The following CALN1 variants were observed in gnomAD, a reference collection of about 807,000 sequenced individuals.
The protein encoded by CALN1 is calneuron 1.
Under a neutral mutation model 30.6 loss-of-function variants are expected in CALN1, and 17 were observed. The observed-to-expected ratio is 0.56, with a 90% CI of 0.38 to 0.83. The LOEUF (loss-of-function observed/expected upper bound fraction) is 0.83. Ranked by LOEUF, CALN1 falls within the 40% of genes least tolerant of loss-of-function variation. The pLI is 0.00. For synonymous variants in CALN1, 156 were observed against 131.4 expected, an observed-to-expected ratio of 1.19 and a Z score of -1.28; for missense variants, 291 against 354.9, an observed-to-expected ratio of 0.82 and a Z score of 1.45.
the CALN1 span, among the ~76,000 whole-genome samples, chr7:72,478,665 G>T: frequency 4.6e-5 from 7 of 152,058 alleles, no homozygotes; most frequent in East Asian, 3.9e-4. Flanking sequence ...GTACCTGATT[G>T]CTTCCCCTGC....
intron 5 of CALN1, among the ~76,000 whole-genome samples, chr7:71,902,270 A>AACC (rs1240817111): frequency 2.6e-4 from 29 of 112,554 alleles, no homozygotes; most frequent in African/African-American, 1.0e-3. Flanking sequence ...CCAACCAATC[A>AACC]AAAAAAAAAA....
intron 3 of CALN1, among the ~76,000 whole-genome samples, chr7:72,195,213 A>G (rs183350352): frequency 1.0e-3 from 159 of 152,280 alleles, no homozygotes; most frequent in African/African-American, 3.4e-3. Flanking sequence ...TCATCTTTTG[A>G]GCCCTTGCTC....
rs750462 is a variant in CALN1 at position 72,418,132 on chromosome 7, A to G, written c.-225-5857T>C. ...GCCCCCCTCCCCCTCTTCCCTCTCT[A>G]GTAGCCCCCAGTGTCTGTTCTTCCC... On this transcript the variant is annotated intron_variant, in intron 1 of 6. Coordinates refer to the CALN1 transcript ENST00000395276. 0.035 allele frequency among the ~76,000 whole-genome samples: 5,117 copies of G among 145,244 alleles called. 568 individuals are homozygous for G. In the East Asian group the frequency reaches 0.41, roughly 12 times the overall value.
At chr7:72,251,631 G>A (rs897755036) in intron 3 of CALN1, among the ~76,000 whole-genome samples, 1 of 152,000 alleles carries the variant, frequency 6.6e-6, no homozygotes, top group Admixed American at 6.6e-5. Flanking sequence ...AAACTTCTGG[G>A]CTCAAGTAAT....
chr7:72,202,047 C>T (rs987840999), intron 3 of CALN1, among the ~76,000 whole-genome samples: 11 of 152,100 alleles, frequency 7.2e-5, no homozygotes, highest in African/African-American at 2.4e-4. Context: ...TTCAAGGACA[C>T]GTGGACTTCA....
intron 5 of CALN1, among the ~76,000 whole-genome samples, chr7:71,968,876 C>T (rs1305979419): frequency 2.0e-5 from 3 of 147,132 alleles, no homozygotes; most frequent in African/African-American, 7.7e-5. Flanking sequence ...AAGACCACAC[C>T]TCTACAATTT....
intron 5 of CALN1, among the ~76,000 whole-genome samples, chr7:71,904,618 CAA>C (rs764542844): frequency 2.0e-5 from 3 of 152,090 alleles, no homozygotes; most frequent in Non-Finnish European, 4.4e-5. Flanking sequence ...GAAATAAACT[CAA>C]GAGCTCTATC....
chr7:72,357,676 A>G (rs1043764290), intron 2 of CALN1, among the ~76,000 whole-genome samples: 4 of 151,794 alleles, frequency 2.6e-5, no homozygotes, highest in Middle Eastern at 3.2e-3. Context: ...CCATTATGAG[A>G]TAACATGTTT....
At chr7:72,278,472 T>TACACACACAC (rs59010102) in intron 3 of CALN1, among the ~76,000 whole-genome samples, 2,057 of 144,040 alleles carry the variant, frequency 0.014, 38 homozygotes, top group East Asian at 0.087. Flanking sequence ...ATCAGGTCTG[T>TACACACACAC]ACACACACAC....
the CALN1 span, among the ~76,000 whole-genome samples, chr7:72,463,471 T>G: frequency 6.6e-6 from 1 of 152,148 alleles, no homozygotes; most frequent in Non-Finnish European, 1.5e-5. Flanking sequence ...TCTGCATTTT[T>G]CTGGGAGTTC....
At chr7:72,273,820 G>C (rs1405811953) in intron 3 of CALN1, among the ~76,000 whole-genome samples, 1 of 151,940 alleles carries the variant, frequency 6.6e-6, no homozygotes, top group Non-Finnish European at 1.5e-5. Flanking sequence ...GCCAAAGTTA[G>C]ACTCCTTACA....
chr7:72,310,859 C>T (rs538740944), intron 2 of CALN1, among the ~76,000 whole-genome samples: 15 of 145,720 alleles, frequency 1.0e-4, no homozygotes, highest in Non-Finnish European at 2.1e-4. Flanking sequence ...GCCGAGATCA[C>T]GCCACTGCAC....
chr7:71,888,461 TAAA>T (rs543941509), intron 5 of CALN1, among the ~76,000 whole-genome samples: 3 of 107,114 alleles, frequency 2.8e-5, no homozygotes, highest in Non-Finnish European at 4.0e-5. Context: ...CATTTTTTCT[TAAA>T]AAAAAAAAAA....
intron 1 of CALN1, among the ~76,000 whole-genome samples, chr7:72,423,176 A>G (rs1214561032): frequency 6.6e-6 from 1 of 151,482 alleles, no homozygotes; most frequent in Non-Finnish European, 1.5e-5. Context: ...AATTTCACCT[A>G]ATCTTAATTT....
intron 5 of CALN1, among the ~76,000 whole-genome samples, chr7:72,010,317 A>C (rs2129529165): frequency 6.6e-6 from 1 of 152,280 alleles, no homozygotes; most frequent in South Asian, 2.1e-4. Flanking sequence ...AATCTGGGAG[A>C]GGGCCTTCAC....
chr7:72,398,744 C>T (rs557382338), intron 2 of CALN1, among the ~76,000 whole-genome samples: 12 of 152,358 alleles, frequency 7.9e-5, no homozygotes, highest in African/African-American at 2.9e-4. Flanking sequence ...ACCCCATTAT[C>T]CCAAATACAT....
In CALN1 at chr7:72,331,079, G is replaced by A. The variant is rs1801639525; in HGVS notation, c.120-52269C>T. The stretch of plus-strand genomic sequence containing the variant: ...AAACAATCTCTCCTGGCCGGGCACG[G>A]TGGCTCATACCTGTAATCCCAGCAC... On this transcript the variant is annotated intron_variant, in intron 2 of 6. Coordinates refer to ENST00000395275, the MANE Select transcript of CALN1 (RefSeq NM_031468.4). 2.0e-5 allele frequency among the ~76,000 whole-genome samples: 3 copies of A among 152,132 alleles called. No individual in the cohort carries two copies. The South Asian group carries it at 6.2e-4, about 32-fold the overall frequency.
rs1031551970 is a variant in CALN1, at chr7:72,338,470, A to AGAGTGTGTGTGTGTGTGT, written c.120-59661_120-59660insACACACACACACACACTC. 5.5e-3 allele frequency among the ~76,000 whole-genome samples: 415 copies of AGAGTGTGTGTGTGTGTGT among 74,786 alleles called. 13 individuals are homozygous for AGAGTGTGTGTGTGTGTGT. Among genetic ancestry groups the AGAGTGTGTGTGTGTGTGT allele is most frequent in the East Asian group, 0.012 (29 of 2,386 alleles). The allele number at this position is 74,786 out of a possible 152,430, so 49.1% of individuals were successfully genotyped here. A position where few individuals can be genotyped will look rare whatever the true frequency, so the allele number is the denominator to read the frequency against. ...GGGCGTTTTTGTCAGCCAGCAGCAC[A>AGAGTGTGTGTGTGTGTGT]GTGTGTGTGTGTGTGTGTGTGTGTG... is the stretch of plus-strand genomic sequence containing the variant. On this transcript the variant is annotated intron_variant, in intron 2 of 6. Transcript: ENST00000395275.
chr7:72,018,289 G>A (rs1347409954), intron 5 of CALN1, among the ~76,000 whole-genome samples: 1 of 152,062 alleles, frequency 6.6e-6, no homozygotes, highest in Non-Finnish European at 1.5e-5. Context: ...CTTCTTGGCA[G>A]GTGCAATTAA....
Sources: allele counts gnomAD v4.1 joint callset (sites outside exome capture counted in the v4.1 genomes callset), GRCh38; gene constraint gnomAD v4.1.1; transcripts MANE v1.5; gene names NCBI Gene and HGNC (gene_info 2026-07-23, HGNC 2026-07-21).